TBC1D22A: variants seen among roughly 807,000 people sequenced by gnomAD.
TBC1D22A encodes the protein putative GTPase activator.
A neutral mutation model predicts 60.2 loss-of-function variants in TBC1D22A; 38 were observed. The observed-to-expected ratio is 0.63, with a 90% CI of 0.49 to 0.83. TBC1D22A has a LOEUF of 0.83. TBC1D22A is among the 40% of genes least tolerant of loss of function. The pLI, the probability that TBC1D22A is intolerant of heterozygous loss-of-function variation, is 0.00. For missense variants in TBC1D22A, 628 were observed against 701.0 expected, an observed-to-expected ratio of 0.90 and a Z score of 1.18; for synonymous variants, 302 against 281.7, an observed-to-expected ratio of 1.07 and a Z score of -0.72.
At chr22:47,133,386 A>G (rs1008180278) in intron 12 of TBC1D22A, among the ~76,000 whole-genome samples, 1 of 152,194 alleles carries the variant, frequency 6.6e-6, no homozygotes, top group East Asian at 1.9e-4. Flanking sequence ...AAGGACTGAG[A>G]GGAACGTGAG....
At chr22:47,030,268 G>T (rs1338017269) in intron 10 of TBC1D22A, among the ~76,000 whole-genome samples, 1 of 152,214 alleles carries the variant, frequency 6.6e-6, no homozygotes, top group African/African-American at 2.4e-5. Flanking sequence ...TTTGTCAGGT[G>T]TCTAAGTGTG....
chr22:47,065,644 T>A, intron 11 of TBC1D22A, among the ~76,000 whole-genome samples: 2 of 152,280 alleles, frequency 1.3e-5, no homozygotes, highest in African/African-American at 2.4e-5. Context: ...GAGTTGGGAC[T>A]GGGTTGGATT....
At chr22:46,974,429 C>T in intron 9 of TBC1D22A, 30 bp downstream of exon 9, 1 of 1,566,796 alleles carries the variant, frequency 6.4e-7, no homozygotes, top group Non-Finnish European at 8.7e-7. Flanking sequence ...GGACACAGCC[C>T]ACGCCCACAG....
At chr22:47,080,639 A>G (rs1376893102) in intron 11 of TBC1D22A, among the ~76,000 whole-genome samples, 3 of 151,796 alleles carry the variant, frequency 2.0e-5, no homozygotes, top group East Asian at 1.9e-4. Context: ...ATATATATAT[A>G]TATGAATGAA....
intron 12 of TBC1D22A, among the ~76,000 whole-genome samples, chr22:47,119,332 C>A (rs558740363): frequency 6.6e-6 from 1 of 152,116 alleles, no homozygotes; most frequent in African/African-American, 2.4e-5. Context: ...CTTGGCACTC[C>A]GTCTCACAGA....
chr22:47,142,542 C>G (rs890076319), intron 12 of TBC1D22A, among the ~76,000 whole-genome samples: 6 of 124,048 alleles, frequency 4.8e-5, no homozygotes, highest in African/African-American at 2.0e-4. Flanking sequence ...ACCTACCCAT[C>G]CATCCACCCA....
At chr22:47,017,161 C>T (rs2061935362) in intron 10 of TBC1D22A, among the ~76,000 whole-genome samples, 1 of 152,206 alleles carries the variant, frequency 6.6e-6, no homozygotes, top group Non-Finnish European at 1.5e-5. Flanking sequence ...CTACATTTCC[C>T]AAGCTTGGTG....
chr22:47,105,075 G>A (rs1215030230), intron 11 of TBC1D22A, among the ~76,000 whole-genome samples: 1 of 151,858 alleles, frequency 6.6e-6, no homozygotes, highest in Admixed American at 6.6e-5. Context: ...CTGTATCATC[G>A]GCCATGGTCA....
At chr22:46,874,428 A>G (rs1250182173) in intron 4 of TBC1D22A, among the ~76,000 whole-genome samples, 2 of 152,048 alleles carry the variant, frequency 1.3e-5, no homozygotes, top group African/African-American at 4.8e-5. Flanking sequence ...CTTTTTCTCC[A>G]TAACCTCACC....
At chr22:46,812,783 T>C (rs2085437995) in intron 4 of TBC1D22A, among the ~76,000 whole-genome samples, 1 of 152,260 alleles carries the variant, frequency 6.6e-6, no homozygotes, top group African/African-American at 2.4e-5. Flanking sequence ...GGGACTGCTA[T>C]TCAGTTGACA....
intron 10 of TBC1D22A, among the ~76,000 whole-genome samples, chr22:47,015,364 C>G (rs1402364401): frequency 6.6e-6 from 1 of 152,248 alleles, no homozygotes; most frequent in African/African-American, 2.4e-5. Flanking sequence ...CAAAGCATTT[C>G]AGGAACAATG....
chr22:47,124,672 GGCAGGGCTTGGGGAGTGGGCC>G (rs2066388912), intron 12 of TBC1D22A, among the ~76,000 whole-genome samples: 1 of 152,250 alleles, frequency 6.6e-6, no homozygotes, highest in Non-Finnish European at 1.5e-5. Flanking sequence ...TGGTCCCAGA[GGCAGGGCTTGGGGAGTGGGCC>G]GCAGGGCGAG....
intron 4 of TBC1D22A, among the ~76,000 whole-genome samples, chr22:46,840,746 A>C (rs201885873): frequency 6.6e-6 from 1 of 152,146 alleles, no homozygotes; most frequent in East Asian, 1.9e-4. Context: ...AAAAAAAAAA[A>C]AGACAAATGA....
intron 4 of TBC1D22A, among the ~76,000 whole-genome samples, chr22:46,824,283 A>C (rs1378643189): frequency 6.6e-6 from 1 of 151,956 alleles, no homozygotes; most frequent in Non-Finnish European, 1.5e-5. Context: ...GCTGCTTATG[A>C]AGGTGATTTG....
chr22:46,993,268 T>C (rs990263175), intron 9 of TBC1D22A, among the ~76,000 whole-genome samples: 3 of 152,188 alleles, frequency 2.0e-5, no homozygotes, highest in Admixed American at 2.0e-4. Context: ...TGGCAACAGG[T>C]GTAAGGCAAG....
Position 46,974,397 on chromosome 22 carries a change from C to T in TBC1D22A, c.1123C>T (p.Gln375Ter). 6.2e-7 allele frequency: 1 copy of T among 1,608,400 alleles called. No homozygotes were observed. The highest frequency in any genetic ancestry group is 8.5e-7 in the Non-Finnish European group (1 of 1,177,674). ...CATGAGCAAGCTGCTGGATGGCATTCAGGTGAGCGCCCGCGCCCACGGGAC... is the reference window on the plus strand; with the variant it reads ...CATGAGCAAGCTGCTGGATGGCATTTAGGTGAGCGCCCGCGCCCACGGGAC... Reference protein sequence around the residue: ...WCMSKLLDGIQDNYTFAQPGI... With the variant: ...WCMSKLLDGI Residue 375 changes from glutamine (Q) to a stop codon, truncating the protein, a stop_gained and splice_region_variant, in exon 9 of 13, where the codon CAG (glutamine) becomes TAG (stop). Coordinates refer to ENST00000337137, the MANE Select transcript of TBC1D22A (RefSeq NM_014346.5). LOFTEE classifies it high-confidence loss of function.
chr22:46,998,691 C>G (rs1290443093), intron 10 of TBC1D22A, among the ~76,000 whole-genome samples: 1 of 152,270 alleles, frequency 6.6e-6, no homozygotes, highest in African/African-American at 2.4e-5. Context: ...CTACAAATTA[C>G]AAACTCCATT....
At chr22:46,856,044 G>A (rs983964265) in intron 4 of TBC1D22A, among the ~76,000 whole-genome samples, 8 of 152,144 alleles carry the variant, frequency 5.3e-5, no homozygotes, top group Non-Finnish European at 1.0e-4. Context: ...GGAGTCCCTC[G>A]GCAGTGCTGA....
At chr22:46,900,518 G>A (rs1025790069) in intron 7 of TBC1D22A, among the ~76,000 whole-genome samples, 36 of 152,098 alleles carry the variant, frequency 2.4e-4, no homozygotes, top group African/African-American at 4.8e-4. Context: ...GTCACTCTGC[G>A]AGGTTCCCCA....
Sources: allele counts gnomAD v4.1 joint callset (sites outside exome capture counted in the v4.1 genomes callset), GRCh38; gene constraint gnomAD v4.1.1; transcripts MANE v1.5; gene names NCBI Gene and HGNC (gene_info 2026-07-23, HGNC 2026-07-21).